TRIM71: variants seen among roughly 807,000 people sequenced by gnomAD.
The protein encoded by TRIM71 is tripartite motif containing 71.
Under a neutral mutation model 61.2 loss-of-function variants are expected in TRIM71, and 9 were observed. That is an observed-to-expected ratio of 0.15 (90% CI 0.09 to 0.26). The LOEUF (loss-of-function observed/expected upper bound fraction) is 0.26. TRIM71 is among the 10% of genes least tolerant of loss of function. TRIM71 has a pLI of 1.00. For missense variants in TRIM71, 998 were observed against 1,238.7 expected (o/e 0.81, Z 2.92); for synonymous variants, 645 against 553.2 (o/e 1.17, Z -2.33).
intron 2 of TRIM71, among the ~76,000 whole-genome samples, chr3:32,877,852 G>A (rs1696866548): frequency 6.6e-6 from 1 of 152,066 alleles, no homozygotes; most frequent in Admixed American, 6.5e-5. Context: ...GTGACCTTGA[G>A]TTCACCCATT....
rs1235737697 is a variant in TRIM71, at chr3:32,891,568, C to G, written c.2364C>G (p.Gly788=). ...CGGCACGCTTTCTGGGCTCGGAGGG[C>G]ACAGGCAATGGGCAGTTCCTGCGCC... is the stretch of plus-strand genomic sequence containing the variant. ...CQSARFLGSE[G]TGNGQFLRPQ... The change falls in exon 4 of 4, where the codon GGC becomes GGG. Residue 788 remains glycine (G), a synonymous_variant. Coordinates refer to ENST00000383763, the MANE Select transcript of TRIM71 (RefSeq NM_001039111.3). The surrounding 1 kb of genome is among the most constrained non-coding windows in gnomAD (Gnocchi z 8.2). 6.2e-6 allele frequency: 10 copies of G among 1,613,782 alleles called. No individual in the cohort carries two copies. The highest frequency in any genetic ancestry group is 1.7e-5 in the Admixed American group (1 of 59,994).
At chr3:32,860,776 G>A (rs1020640705) in intron 1 of TRIM71, among the ~76,000 whole-genome samples, 1 of 152,196 alleles carries the variant, frequency 6.6e-6, no homozygotes, top group Non-Finnish European at 1.5e-5. Context: ...TGGGCTCTGC[G>A]TGGCTGGCCT....
intron 1 of TRIM71, among the ~76,000 whole-genome samples, chr3:32,825,776 TTTC>T (rs1286858953): frequency 2.0e-4 from 31 of 152,266 alleles, no homozygotes; most frequent in African/African-American, 5.5e-4. Context: ...CGTTACCGCT[TTTC>T]TTCTTGACCT....
At chr3:32,858,669 C>T (rs1044929740) in intron 1 of TRIM71, among the ~76,000 whole-genome samples, 8 of 152,138 alleles carry the variant, frequency 5.3e-5, no homozygotes, top group African/African-American at 7.2e-5. Context: ...AGGAAAGCCA[C>T]GTAGGGCCTC....
At chr3:32,866,036 G>A (rs985160656) in intron 1 of TRIM71, among the ~76,000 whole-genome samples, 6 of 151,926 alleles carry the variant, frequency 3.9e-5, no homozygotes, top group African/African-American at 1.5e-4. Context: ...ATGTTGGCCA[G>A]GCTGGTCTCA....
rs1697009390 is a variant in TRIM71, at chr3:32,890,225, C to A, written c.1156-135C>A. The A allele has an allele frequency of 7.3e-6, 9 of 1,231,538 alleles. No individual in the cohort carries two copies. The highest frequency in any genetic ancestry group is 2.3e-5 in the Admixed American group (1 of 43,506). The allele number at this position is 1,231,538 out of a possible 1,614,324, so 76.3% of individuals were successfully genotyped here. ...TGATTTTGCTGCTTTTGAAGAAAGA[C>A]AGATGTCTTTTGTAGACCATCCCAC... On this transcript the variant is annotated intron_variant, in intron 3 of 3. Transcript: ENST00000383763. This position sits in a 1 kb window ranked among gnomAD's most constrained non-coding sequence, Gnocchi z 6.2.
At chr3:32,824,356 T>C (rs1696176380) in intron 1 of TRIM71, among the ~76,000 whole-genome samples, 1 of 151,432 alleles carries the variant, frequency 6.6e-6, no homozygotes, top group South Asian at 2.1e-4. Context: ...TTTTTTTCTT[T>C]CTTTTTTTTT....
At chr3:32,885,807 A>G (rs1696955486) in intron 2 of TRIM71, 127 bp from the exon 3 acceptor site, 2 of 1,299,398 alleles carry the variant, frequency 1.5e-6, no homozygotes, top group African/African-American at 1.5e-5. Flanking sequence ...CTTCCAAGGG[A>G]GTGAATCAAG....
chr3:32,822,504 A>G (rs1442608121), intron 1 of TRIM71, among the ~76,000 whole-genome samples: 1 of 152,154 alleles, frequency 6.6e-6, no homozygotes, highest in Non-Finnish European at 1.5e-5. Flanking sequence ...GCTGCCTAAA[A>G]TAATCGGTTG....
chr3:32,872,278 G>A (rs1696804928), intron 1 of TRIM71, among the ~76,000 whole-genome samples: 1 of 152,054 alleles, frequency 6.6e-6, no homozygotes. Context: ...AAAGTTTCTA[G>A]AGAACCAGTT....
At chr3:32,839,901 T>C (rs1474761203) in intron 1 of TRIM71, among the ~76,000 whole-genome samples, 1 of 152,116 alleles carries the variant, frequency 6.6e-6, no homozygotes, top group African/African-American at 2.4e-5. Context: ...AGCTGGGTGT[T>C]TGAAAAACTG....
intron 1 of TRIM71, among the ~76,000 whole-genome samples, chr3:32,859,626 T>G (rs72852805): frequency 0.025 from 3,771 of 152,236 alleles, 148 homozygotes; most frequent in African/African-American, 0.085. Context: ...ATGTTGGTCT[T>G]TCTTCTGATT....
At chr3:32,862,339 T>C (rs752521109) in intron 1 of TRIM71, among the ~76,000 whole-genome samples, 3 of 152,260 alleles carry the variant, frequency 2.0e-5, no homozygotes, top group Non-Finnish European at 2.9e-5. Context: ...GTATTTCTGC[T>C]TCTCTTCTCA....
chr3:32,845,673 A>C (rs369136130), intron 1 of TRIM71, among the ~76,000 whole-genome samples: 18 of 151,870 alleles, frequency 1.2e-4, no homozygotes, highest in African/African-American at 4.3e-4. Context: ...ATCTTTCATG[A>C]GGTTACTGGG....
At position 32,896,442 on chromosome 3, in the gene TRIM71, G is replaced by GT. The variant is rs113285149; in HGVS notation, c.*4641dup. 1.0e-3 allele frequency: 153 copies of GT among 148,822 alleles called. 1 individual carries two copies. Among genetic ancestry groups the GT allele is most frequent in the East Asian group, 3.9e-3 (20 of 5,092 alleles). The allele number at this position is 148,822 out of a possible 1,614,324, so 9.2% of individuals were successfully genotyped here. ...TCTACCAAAGGTAACATGTTGACGG[G>GT]TTTTTTTTTTCCTTGTTTATTAAAT... On this transcript the variant is annotated 3_prime_UTR_variant, in exon 4 of 4. Coordinates refer to ENST00000383763, the MANE Select transcript of TRIM71 (RefSeq NM_001039111.3).
At chr3:32,831,116 T>C (rs985619038) in intron 1 of TRIM71, among the ~76,000 whole-genome samples, 1 of 152,074 alleles carries the variant, frequency 6.6e-6, no homozygotes, top group Admixed American at 6.5e-5. Flanking sequence ...TGAGTTTTGA[T>C]GGATTTTTCC....
intron 1 of TRIM71, among the ~76,000 whole-genome samples, chr3:32,844,799 T>G (rs1045902912): frequency 6.6e-6 from 1 of 152,138 alleles, no homozygotes; most frequent in Non-Finnish European, 1.5e-5. Flanking sequence ...TGAATCAACC[T>G]TTAGCCATCC....
chr3:32,843,392 T>C (rs898409038), intron 1 of TRIM71, among the ~76,000 whole-genome samples: 6 of 152,140 alleles, frequency 3.9e-5, no homozygotes, highest in Admixed American at 3.3e-4. Context: ...CCAGTAAGCT[T>C]ATTTCTTGGT....
chr3:32,822,866 T>C (rs1462362976), intron 1 of TRIM71, among the ~76,000 whole-genome samples: 1 of 152,194 alleles, frequency 6.6e-6, no homozygotes, highest in Non-Finnish European at 1.5e-5. Flanking sequence ...TATGATAAAC[T>C]TTGAGAATTT....
Sources: allele counts gnomAD v4.1 joint callset (sites outside exome capture counted in the v4.1 genomes callset), GRCh38; gene constraint gnomAD v4.1.1; non-coding constraint Gnocchi (gnomAD v3.1); transcripts MANE v1.5; gene names NCBI Gene and HGNC (gene_info 2026-07-23, HGNC 2026-07-21).